SH3RF2: variants seen among roughly 807,000 people sequenced by gnomAD.
The protein encoded by SH3RF2 is E3 ubiquitin-protein ligase SH3RF2.
SH3RF2 carries 43 observed loss-of-function variants against 59.0 expected under a neutral mutation model. That is an observed-to-expected ratio of 0.73 (90% CI 0.57 to 0.94). The LOEUF is 0.94. Among genes scored for constraint, SH3RF2 ranks in the 40% least tolerant of loss-of-function variants. The pLI, the probability that SH3RF2 is intolerant of heterozygous loss-of-function variation, is 0.00. For missense variants in SH3RF2, 930 were observed against 940.1 expected (o/e 0.99, Z 0.14); for synonymous variants, 391 against 391.5 (o/e 1.00, Z 0.01).
chr5:145,999,185 T>G (rs906628220), intron 2 of SH3RF2, among the ~76,000 whole-genome samples: 3 of 152,124 alleles, frequency 2.0e-5, no homozygotes, highest in African/African-American at 4.8e-5. Flanking sequence ...TCTGCCAGCT[T>G]CAAACTTTTT....
rs1310037648 is a variant in SH3RF2 at position 146,004,154 on chromosome 5, G to A, written c.744+1G>A. ...CATCTTCCCTATCTTGTTTGTAGAG[G>A]TACGTGAGTATCAAGTCTACATCTG... On this transcript the variant is annotated splice_donor_variant, in intron 4 of 9. Coordinates refer to ENST00000359120, the MANE Select transcript of SH3RF2 (RefSeq NM_152550.4). LOFTEE classifies it high-confidence loss of function. 1 of 1,608,954 alleles carries A rather than the reference G, an allele frequency of 6.2e-7. No individual in the cohort carries two copies. The highest frequency in any genetic ancestry group is 8.5e-7 in the Non-Finnish European group (1 of 1,176,086).
chr5:146,057,948 CTCTCTCTCTCTCTCTCTCTCTATCTA>C (rs1437704415), intron 8 of SH3RF2, among the ~76,000 whole-genome samples: 4 of 129,802 alleles, frequency 3.1e-5, no homozygotes, highest in Non-Finnish European at 7.0e-5. Flanking sequence ...CTCTCTCTCT[CTCTCTCTCTCTCTCTCTCTCTATCTA>C]TCTATCTATC....
intron 4 of SH3RF2, among the ~76,000 whole-genome samples, chr5:146,008,226 A>T (rs985609695): frequency 1.3e-5 from 2 of 152,124 alleles, no homozygotes; most frequent in Non-Finnish European, 2.9e-5. Context: ...AGTGGGTGCA[A>T]ATCTAAGAGA....
intron 2 of SH3RF2, among the ~76,000 whole-genome samples, chr5:145,944,844 T>C (rs978970763): frequency 4.6e-5 from 7 of 152,198 alleles, no homozygotes; most frequent in African/African-American, 1.7e-4. Flanking sequence ...GTTCACATGC[T>C]CAGTCATAAT....
intron 5 of SH3RF2, among the ~76,000 whole-genome samples, chr5:146,034,679 T>C (rs1156858164): frequency 6.6e-6 from 1 of 152,180 alleles, no homozygotes; most frequent in Non-Finnish European, 1.5e-5. Flanking sequence ...TATCCAGTGA[T>C]AATAATTCAG....
intron 9 of SH3RF2, among the ~76,000 whole-genome samples, chr5:146,075,345 A>G (rs1348809628): frequency 6.6e-6 from 1 of 152,218 alleles, no homozygotes; most frequent in Non-Finnish European, 1.5e-5. Flanking sequence ...AAATTCCCAC[A>G]AACAGATAAA....
chr5:145,967,284 A>C (rs2149959019), intron 2 of SH3RF2, among the ~76,000 whole-genome samples: 1 of 152,214 alleles, frequency 6.6e-6, no homozygotes, highest in African/African-American at 2.4e-5. Flanking sequence ...GACTCCTCTA[A>C]TTGGCCCATT....
chr5:146,007,602 TG>T (rs1440951346), intron 4 of SH3RF2, among the ~76,000 whole-genome samples: 1 of 152,096 alleles, frequency 6.6e-6, no homozygotes, highest in Non-Finnish European at 1.5e-5. Flanking sequence ...AAGTCTGGGC[TG>T]GGGGGGAAGG....
At chr5:146,039,045 T>A (rs928936454) in intron 5 of SH3RF2, among the ~76,000 whole-genome samples, 1 of 152,180 alleles carries the variant, frequency 6.6e-6, no homozygotes, top group African/African-American at 2.4e-5. Context: ...CAGAGCAGAC[T>A]TTGCAGATCA....
At chr5:146,051,562 T>C (rs1255286148) in intron 7 of SH3RF2, among the ~76,000 whole-genome samples, 1 of 152,096 alleles carries the variant, frequency 6.6e-6, no homozygotes, top group African/African-American at 2.4e-5. Flanking sequence ...TGTGAAAGAA[T>C]AGAGGATCCA....
downstream of SH3RF2, among the ~76,000 whole-genome samples, chr5:146,064,308 G>A (rs1442881800): frequency 6.6e-6 from 1 of 151,968 alleles, no homozygotes; most frequent in Non-Finnish European, 1.5e-5. Flanking sequence ...AGCCTGCGAT[G>A]AAGAATGGGG....
intron 2 of SH3RF2, among the ~76,000 whole-genome samples, chr5:145,958,932 G>A (rs1180822451): frequency 6.6e-6 from 1 of 152,158 alleles, no homozygotes; most frequent in African/African-American, 2.4e-5. Flanking sequence ...GTGCTCAACA[G>A]CAATTTGGTC....
rs150495591 is a variant in SH3RF2, at chr5:145,938,383, T to A, written c.378+77T>A. On this transcript the variant is annotated intron_variant, in intron 2 of 9. Transcript: ENST00000359120. ...TGTATACAAGGAGCTAGAGATTATCTTCTTTTAGTTACATTCCAGAGTGCT... is the reference window on the plus strand; with the variant it reads ...TGTATACAAGGAGCTAGAGATTATCATCTTTTAGTTACATTCCAGAGTGCT... 1.1e-3 allele frequency: 1,650 copies of A among 1,451,770 alleles called. 23 individuals are homozygous for A. The African/African-American group carries it at 0.021, about 19-fold the overall frequency. The allele number at this position is 1,451,770 out of a possible 1,614,324, so 89.9% of individuals were successfully genotyped here.
intron 2 of SH3RF2, among the ~76,000 whole-genome samples, chr5:145,990,605 A>G (rs1258505803): frequency 6.6e-6 from 1 of 152,218 alleles, no homozygotes; most frequent in Non-Finnish European, 1.5e-5. Context: ...AAGTGCCTGC[A>G]AGCTCTTGTC....
chr5:145,982,251 G>T (rs1048007395), intron 2 of SH3RF2, among the ~76,000 whole-genome samples: 3 of 152,200 alleles, frequency 2.0e-5, no homozygotes, highest in Admixed American at 2.0e-4. Flanking sequence ...AGGACATGCT[G>T]GTTCCAGGAT....
At chr5:145,954,041 T>C (rs544053144) in intron 2 of SH3RF2, among the ~76,000 whole-genome samples, 28 of 152,352 alleles carry the variant, frequency 1.8e-4, no homozygotes, top group Non-Finnish European at 3.4e-4. Flanking sequence ...GTCTTTGTGG[T>C]AGATGCTTTA....
At chr5:146,065,412 A>G (rs565269842), downstream of SH3RF2, among the ~76,000 whole-genome samples, 2 of 152,316 alleles carry the variant, frequency 1.3e-5, no homozygotes, top group South Asian at 2.1e-4. Flanking sequence ...TCTACTCTAC[A>G]CTCAGAGTGG....
chr5:146,073,184 C>T (rs1304173113), intron 9 of SH3RF2, among the ~76,000 whole-genome samples: 1 of 152,192 alleles, frequency 6.6e-6, no homozygotes, highest in African/African-American at 2.4e-5. Context: ...AGGGTTGGGG[C>T]AATATGACAA....
At chr5:146,043,331 G>T (rs1240046384) in intron 5 of SH3RF2, among the ~76,000 whole-genome samples, 2 of 152,092 alleles carry the variant, frequency 1.3e-5, no homozygotes, top group Admixed American at 6.5e-5. Context: ...TACCATGAGG[G>T]TTACTTGCTA....
Sources: gnomAD v4.1 joint callset for allele counts (sites outside exome capture counted in the v4.1 genomes callset) on GRCh38, gnomAD v4.1.1 for gene constraint, MANE v1.5 for transcripts, NCBI Gene and HGNC (gene_info 2026-07-23, HGNC 2026-07-21) for gene names.